The following LRRC17 variants were observed in gnomAD, a reference collection of about 807,000 sequenced individuals.
LRRC17 encodes leucine-rich repeat-containing protein 17.
LRRC17 carries 33 observed loss-of-function variants against 41.5 expected under a neutral mutation model. The ratio of observed to expected loss-of-function variants is 0.80; its 90% CI spans 0.60 to 1.06. LRRC17 has a LOEUF of 1.06. LRRC17 is among the 50% of genes least tolerant of loss of function. The pLI is 0.00. For missense variants in LRRC17, 491 were observed against 519.3 expected (o/e 0.95, Z 0.53); for synonymous variants, 192 against 197.0 (o/e 0.97, Z 0.21).
intron 1 of LRRC17, among the ~76,000 whole-genome samples, chr7:102,923,734 G>C (rs930069139): frequency 6.6e-6 from 1 of 152,062 alleles, no homozygotes; most frequent in Non-Finnish European, 1.5e-5. Context: ...TGAGGCAGGA[G>C]AATTGCTTTG....
chr7:102,917,247 G>C lies in LRRC17; in HGVS notation c.-141+4102G>C, dbSNP rs117600503. ...GTCTGCCCCACTTTGATAGGCACTGGTGAGACTATAGATCATGATAGTTCC... is the reference window on the plus strand; with the variant it reads ...GTCTGCCCCACTTTGATAGGCACTGCTGAGACTATAGATCATGATAGTTCC... On this transcript the variant is annotated intron_variant, in intron 1 of 3. Transcript: ENST00000339431. Among the ~76,000 whole-genome samples the C allele has an allele frequency of 2.9e-3, 444 of 152,292 alleles. 3 individuals carry two copies. The highest frequency in any genetic ancestry group is 5.4e-3 in the South Asian group (26 of 4,826).
At chr7:102,919,504 A>G (rs946849853) in intron 1 of LRRC17, among the ~76,000 whole-genome samples, 3 of 152,224 alleles carry the variant, frequency 2.0e-5, no homozygotes, top group African/African-American at 7.2e-5. Context: ...AGGAAAAATT[A>G]ATTGAAGGAA....
At chr7:102,932,901 G>C (rs1819496118) in intron 1 of LRRC17, among the ~76,000 whole-genome samples, 1 of 152,168 alleles carries the variant, frequency 6.6e-6, no homozygotes. Context: ...GGCCAGAATA[G>C]TTATTTGAGA....
At chr7:102,918,778 C>CA (rs939751252) in intron 1 of LRRC17, among the ~76,000 whole-genome samples, 2 of 151,954 alleles carry the variant, frequency 1.3e-5, no homozygotes, top group African/African-American at 4.8e-5. Context: ...CAAAACAAAA[C>CA]AAAAAAATGG....
chr7:102,943,870 G>A (rs747051108), intron 3 of LRRC17, among the ~76,000 whole-genome samples: 2 of 152,206 alleles, frequency 1.3e-5, no homozygotes, highest in Non-Finnish European at 2.9e-5. Context: ...ATGACAGGAG[G>A]TAGTTTTGCA....
At chr7:102,926,393 G>A (rs778145204) in intron 1 of LRRC17, 17 of 1,590,076 alleles carry the variant, frequency 1.1e-5, no homozygotes, top group Non-Finnish European at 1.4e-5. Context: ...AAAACAGAGG[G>A]AAGAGGCTTA....
Position 102,944,764 on chromosome 7 carries a change from T to C in LRRC17, c.*157T>C. 1.6e-6 allele frequency: 1 copy of C among 643,680 alleles called. No homozygotes were observed. The highest frequency in any genetic ancestry group is 2.5e-6 in the Non-Finnish European group (1 of 397,536). 39.9% of individuals were successfully genotyped at this position (643,680 alleles called of 1,614,324 possible). On this transcript the variant is annotated 3_prime_UTR_variant, in exon 4 of 4. Transcript: ENST00000339431. ...ATAAGTATTATTGTGACTATTATAG[T>C]AATCAAGAGAATGCTATCATCCTGC...
chr7:102,913,208 G>A (rs1389741847), intron 1 of LRRC17, 63 bp downstream of exon 1: 3 of 1,614,050 alleles, frequency 1.9e-6, no homozygotes, highest in South Asian at 2.2e-5. Context: ...TGTAAGTTGT[G>A]GAAGTGCCTG....
intron 1 of LRRC17, among the ~76,000 whole-genome samples, chr7:102,930,463 T>G (rs1378760749): frequency 1.3e-5 from 2 of 152,214 alleles, no homozygotes; most frequent in East Asian, 3.8e-4. Context: ...ATGCCTCACC[T>G]TCTGACCTCT....
At chr7:102,940,012 A>T (rs1440136283) in intron 3 of LRRC17, among the ~76,000 whole-genome samples, 1 of 151,782 alleles carries the variant, frequency 6.6e-6, no homozygotes, top group Non-Finnish European at 1.5e-5. Flanking sequence ...CTCCTGCCTC[A>T]GCCTCCCAAG....
chr7:102,913,004 G>GTATA lies in LRRC17; in HGVS notation c.-281_-278dup. On this transcript the variant is annotated 5_prime_UTR_variant, in exon 1 of 4. Transcript: ENST00000339431. ...GTGCTGCGGTCCGTGCACAGCATTA[G>GTATA]TATAACGTGAGGGCTGAATGCAGCC... 1 of 1,583,708 alleles carries GTATA rather than the reference G, an allele frequency of 6.3e-7. No individual in the cohort carries two copies.
intron 1 of LRRC17, among the ~76,000 whole-genome samples, chr7:102,932,194 C>A (rs1288958651): frequency 6.6e-6 from 1 of 152,130 alleles, no homozygotes; most frequent in Non-Finnish European, 1.5e-5. Flanking sequence ...GGGAAAAACA[C>A]TATATACTTA....
At chr7:102,937,406 C>G (rs147729621) in intron 2 of LRRC17, among the ~76,000 whole-genome samples, 14 of 149,292 alleles carry the variant, frequency 9.4e-5, no homozygotes, top group African/African-American at 3.0e-4. Flanking sequence ...ACTTGGGAGG[C>G]TGAGCCATGA....
intron 1 of LRRC17, among the ~76,000 whole-genome samples, chr7:102,914,783 T>A (rs1815492321): frequency 6.6e-6 from 1 of 152,154 alleles, no homozygotes; most frequent in Admixed American, 6.5e-5. Context: ...AGTGCTAATA[T>A]CCCAAAGACA....
intron 1 of LRRC17, among the ~76,000 whole-genome samples, chr7:102,924,641 C>CTTTTTTTT (rs71106699): frequency 8.3e-6 from 1 of 121,038 alleles, no homozygotes; most frequent in Non-Finnish European, 1.7e-5. Context: ...GTAAGCTTTT[C>CTTTTTTTT]TTTTTTTTTT....
intron 1 of LRRC17, among the ~76,000 whole-genome samples, chr7:102,929,749 A>G (rs1818838874): frequency 6.6e-6 from 1 of 151,898 alleles, no homozygotes; most frequent in African/African-American, 2.4e-5. Context: ...GGGTTGAGAG[A>G]AAATGAAGGG....
intron 1 of LRRC17, 111 bp downstream of exon 1, chr7:102,913,256 G>C: frequency 6.2e-7 from 1 of 1,609,966 alleles, no homozygotes; most frequent in Non-Finnish European, 8.5e-7. Flanking sequence ...TTATACTTCC[G>C]TTGTTCTCTC....
chr7:102,921,254 C>A (rs1432297365), intron 1 of LRRC17, among the ~76,000 whole-genome samples: 2 of 152,170 alleles, frequency 1.3e-5, no homozygotes, highest in African/African-American at 4.8e-5. Flanking sequence ...TGCTTACTAA[C>A]CTTTGTTAAT....
intron 2 of LRRC17, 149 bp downstream of exon 2, chr7:102,934,834 A>G: frequency 1.3e-6 from 1 of 767,014 alleles, no homozygotes; most frequent in Non-Finnish European, 2.1e-6. Context: ...ATTTACCACA[A>G]GTTTTTCTGG....
Sources: gnomAD v4.1 joint callset for allele counts (sites outside exome capture counted in the v4.1 genomes callset) on GRCh38, gnomAD v4.1.1 for gene constraint, MANE v1.5 for transcripts, NCBI Gene and HGNC (gene_info 2026-07-23, HGNC 2026-07-21) for gene names.